Variants in CD247 observed in about 807,000 individuals in gnomAD.
The protein encoded by CD247 is T-cell surface glycoprotein CD3 zeta chain.
CD247 carries 13 observed loss-of-function variants against 30.0 expected under a neutral mutation model. The observed-to-expected ratio is 0.43, with a 90% confidence interval of 0.28 to 0.69. The LOEUF (loss-of-function observed/expected upper bound fraction) is 0.69. Among genes scored for constraint, CD247 ranks in the 30% least tolerant of loss-of-function variants. The pLI is 0.16. For synonymous variants in CD247, 72 were observed against 80.0 expected, an observed-to-expected ratio of 0.90 and a Z score of 0.53; for missense variants, 193 against 212.6, an observed-to-expected ratio of 0.91 and a Z score of 0.57.
intron 1 of CD247, among the ~76,000 whole-genome samples, chr1:167,491,624 A>T (rs1381258229): frequency 6.6e-6 from 1 of 152,192 alleles, no homozygotes; most frequent in Admixed American, 6.5e-5. Flanking sequence ...CTGGTTCTAT[A>T]CCCAAAAGAA....
At chr1:167,434,380 T>C (rs1651424963) in intron 5 of CD247, 22 of 476,110 alleles carry the variant, frequency 4.6e-5, no homozygotes, top group South Asian at 4.5e-4. Flanking sequence ...ACACGGAGAC[T>C]GGGCAAAACA....
At chr1:167,433,176 G>T in intron 6 of CD247, 117 bp from the exon 7 acceptor site, 2 of 980,164 alleles carry the variant, frequency 2.0e-6, no homozygotes, top group Non-Finnish European at 3.3e-6. Flanking sequence ...CTGTCTCCCA[G>T]CAGCACCCCT....
intron 1 of CD247, among the ~76,000 whole-genome samples, chr1:167,447,820 CCTTT>C (rs1361472164): frequency 6.6e-6 from 1 of 152,154 alleles, no homozygotes; most frequent in African/African-American, 2.4e-5. Context: ...AACCTTCCTT[CCTTT>C]GAGTCCCCAA....
chr1:167,472,957 T>C (rs1653592368), intron 1 of CD247, among the ~76,000 whole-genome samples: 1 of 152,198 alleles, frequency 6.6e-6, no homozygotes, highest in Admixed American at 6.5e-5. Flanking sequence ...GTGGAATTCC[T>C]TGGCCTTCCC....
intron 1 of CD247, among the ~76,000 whole-genome samples, chr1:167,518,207 A>T (rs983495099): frequency 1.3e-5 from 2 of 152,008 alleles, no homozygotes; most frequent in African/African-American, 4.8e-5. Context: ...GCTGGCTCTG[A>T]ACTGATGCCC....
intron 1 of CD247, among the ~76,000 whole-genome samples, chr1:167,504,762 A>G (rs1655047122): frequency 1.3e-5 from 2 of 152,214 alleles, no homozygotes; most frequent in African/African-American, 2.4e-5. Context: ...GGCAGTGGGA[A>G]TCTCAGTTAG....
At position 167,496,935 on chromosome 1, in the gene CD247, G is replaced by A. The variant is rs1654715966; in HGVS notation, c.58+21473C>T. On this transcript the variant is annotated intron_variant, in intron 1 of 7. Coordinates refer to ENST00000362089, the MANE Select transcript of CD247 (RefSeq NM_198053.3). ...TGATGAAAAAAGCAGGCCCCGGAGA[G>A]CGGGGACACTGACAGTGAGGGGAGA... Among the ~76,000 whole-genome samples the A allele has an allele frequency of 2.0e-5, 3 of 152,244 alleles. 1 individual carries two copies. In the South Asian group the frequency reaches 6.2e-4, roughly 32 times the overall value.
At chr1:167,517,809 T>C (rs1655678125) in intron 1 of CD247, among the ~76,000 whole-genome samples, 1 of 152,128 alleles carries the variant, frequency 6.6e-6, no homozygotes, top group Non-Finnish European at 1.5e-5. Flanking sequence ...CGCTTGGCCA[T>C]GAGGTGGCGA....
intron 6 of CD247, among the ~76,000 whole-genome samples, chr1:167,433,388 C>T (rs1268629982): frequency 6.6e-6 from 1 of 152,204 alleles, no homozygotes; most frequent in East Asian, 1.9e-4. Flanking sequence ...TCTTAAAGTT[C>T]TTGGCTAGTC....
intron 1 of CD247, among the ~76,000 whole-genome samples, chr1:167,467,557 C>T (rs981179881): frequency 2.6e-5 from 4 of 152,220 alleles, no homozygotes; most frequent in Non-Finnish European, 5.9e-5. Context: ...CTCCCCAGGA[C>T]ACTAGGGCAG....
intron 1 of CD247, among the ~76,000 whole-genome samples, chr1:167,501,985 A>G (rs924179320): frequency 2.6e-5 from 4 of 151,990 alleles, no homozygotes; most frequent in Non-Finnish European, 4.4e-5. Context: ...CTGAAGGGCA[A>G]CCCCGGTGCT....
chr1:167,461,934 C>T (rs1368094594), intron 1 of CD247, among the ~76,000 whole-genome samples: 1 of 152,218 alleles, frequency 6.6e-6, no homozygotes, highest in African/African-American at 2.4e-5. Context: ...CACTTTAGGT[C>T]AATGAATATC....
intron 1 of CD247, among the ~76,000 whole-genome samples, chr1:167,442,404 C>G (rs1651883252): frequency 6.6e-6 from 1 of 152,224 alleles, no homozygotes; most frequent in South Asian, 2.1e-4. Flanking sequence ...GTCATTCTTT[C>G]TGGCTGTGTG....
At position 167,436,801 on chromosome 1, in the gene CD247, C is replaced by T. The variant is rs116847445; in HGVS notation, c.301-1367G>A. ...AGATCACCTCACACTTGTTAGGGTGCGCATTACCAAAAAGACAAAAGACAA... is the reference window on the plus strand; with the variant it reads ...AGATCACCTCACACTTGTTAGGGTGTGCATTACCAAAAAGACAAAAGACAA... On this transcript the variant is annotated intron_variant, in intron 4 of 7. Coordinates refer to ENST00000362089, the MANE Select transcript of CD247 (RefSeq NM_198053.3). Among the ~76,000 whole-genome samples the T allele has an allele frequency of 6.6e-3, 997 of 151,870 alleles. 4 individuals carry two copies. Among genetic ancestry groups the T allele is most frequent in the East Asian group, 0.016 (84 of 5,172 alleles).
At chr1:167,496,520 A>G (rs1047246430) in intron 1 of CD247, among the ~76,000 whole-genome samples, 3 of 152,208 alleles carry the variant, frequency 2.0e-5, no homozygotes, top group African/African-American at 7.2e-5. Flanking sequence ...GAGGTTTTGC[A>G]TCTCTCTGGC....
chr1:167,487,489 G>A (rs922215502), intron 1 of CD247, among the ~76,000 whole-genome samples: 5 of 152,228 alleles, frequency 3.3e-5, no homozygotes, highest in African/African-American at 1.2e-4. Context: ...CTGCCAGGGA[G>A]CAGGTACAGG....
Position 167,433,018 on chromosome 1 carries a change from T to A in CD247, c.429+6A>T. The A allele has an allele frequency of 6.2e-7, 1 of 1,614,156 alleles. No individual in the cohort carries two copies. On this transcript the variant is annotated splice_donor_region_variant and intron_variant, in intron 7 of 7. Coordinates refer to ENST00000362089, the MANE Select transcript of CD247 (RefSeq NM_198053.3). ...CTTCCACTGAAGGGACGCCGGCAGC[T>A]CCTACCTGGTAAAGGCCATCGTGCC...
intron 1 of CD247, among the ~76,000 whole-genome samples, chr1:167,450,793 G>C (rs1235886144): frequency 6.6e-6 from 1 of 151,482 alleles, no homozygotes. Flanking sequence ...TGTGCCTGTA[G>C]TCCCAGCTAC....
chr1:167,478,389 G>C (rs1653839622), intron 1 of CD247, among the ~76,000 whole-genome samples: 1 of 152,266 alleles, frequency 6.6e-6, no homozygotes, highest in Admixed American at 6.5e-5. Flanking sequence ...AGATAAGAAT[G>C]TTAAGCTTAG....
Sources: gnomAD v4.1 joint callset for allele counts (sites outside exome capture counted in the v4.1 genomes callset) on GRCh38, gnomAD v4.1.1 for gene constraint, MANE v1.5 for transcripts, NCBI Gene and HGNC (gene_info 2026-07-23, HGNC 2026-07-21) for gene names.